The following MAP3K5 variants were observed in gnomAD, a reference collection of about 807,000 sequenced individuals.
MAP3K5 encodes the protein mitogen-activated protein kinase kinase kinase 5.
A neutral mutation model predicts 158.7 loss-of-function variants in MAP3K5; 56 were observed. That is an observed-to-expected ratio of 0.35 (90% confidence interval 0.28 to 0.44). The LOEUF (loss-of-function observed/expected upper bound fraction) is 0.44, where lower values mean the gene tolerates loss of function less well. Ranked by LOEUF, MAP3K5 falls within the 20% of genes least tolerant of loss-of-function variation. The pLI, the probability that MAP3K5 is intolerant of heterozygous loss-of-function variation, is 1.00. For missense variants in MAP3K5, 1,294 were observed against 1,674.8 expected, an observed-to-expected ratio of 0.77 and a Z score of 3.97; for synonymous variants, 579 against 601.7, an observed-to-expected ratio of 0.96 and a Z score of 0.55.
At chr6:136,766,182 G>A (rs1487278910) in intron 1 of MAP3K5, among the ~76,000 whole-genome samples, 1 of 152,156 alleles carries the variant, frequency 6.6e-6, no homozygotes, top group East Asian at 1.9e-4. Flanking sequence ...GGAGAAGTTG[G>A]AGACTGAGTG....
intron 2 of MAP3K5, among the ~76,000 whole-genome samples, chr6:136,717,747 C>T (rs1052925198): frequency 6.6e-6 from 1 of 152,122 alleles, no homozygotes; most frequent in Non-Finnish European, 1.5e-5. Flanking sequence ...TAGCATAGGA[C>T]CTGAGGAACT....
Position 136,697,237 on chromosome 6 carries a change from A to C in MAP3K5, c.957T>G (p.Leu319=), listed in dbSNP as rs779691688. The C allele has an allele frequency of 6.2e-7, 1 of 1,613,032 alleles. No individual in the cohort carries two copies. The highest frequency in any genetic ancestry group is 8.5e-7 in the Non-Finnish European group (1 of 1,179,464). ...TTCTCACCTGGATATCTCTGTAGGAAAGTAACAGATTTATGACAATATCTG... is the reference window on the plus strand; with the variant it reads ...TTCTCACCTGGATATCTCTGTAGGACAGTAACAGATTTATGACAATATCTG... ...LTADIVINLL[L]SYRDIQDYDS... is the part of the protein sequence containing the mutation. Residue 319 remains leucine (L), a synonymous_variant, in exon 5 of 30, where the codon CTT becomes CTG. Transcript: ENST00000359015.
chr6:136,603,129 T>C (rs1253716480), intron 19 of MAP3K5, among the ~76,000 whole-genome samples: 1 of 151,904 alleles, frequency 6.6e-6, no homozygotes, highest in Non-Finnish European at 1.5e-5. Flanking sequence ...AAGTGCTTGG[T>C]ACATTTTACC....
intron 1 of MAP3K5, among the ~76,000 whole-genome samples, chr6:136,785,794 T>G (rs1263896950): frequency 6.6e-6 from 1 of 152,152 alleles, no homozygotes; most frequent in Non-Finnish European, 1.5e-5. Flanking sequence ...CAGAGGTGGA[T>G]GAAAGCAAAA....
rs564068231 is a variant in MAP3K5, at chr6:136,648,291, T to C, written c.1788+2693A>G. ...GCACACAGTGGCAAATATTGGCATG[T>C]GTAATCTGGGGCCTGTTGGGTGAAG... is the stretch of plus-strand genomic sequence containing the variant. On this transcript the variant is annotated intron_variant, in intron 11 of 29. Coordinates refer to ENST00000359015, the MANE Select transcript of MAP3K5 (RefSeq NM_005923.4). Among the ~76,000 whole-genome samples the C allele has an allele frequency of 5.3e-5, 8 of 152,346 alleles. No individual in the cohort carries two copies. In the South Asian group the frequency reaches 1.7e-3, roughly 32 times the overall value.
chr6:136,594,236 T>C (rs1490913622), intron 21 of MAP3K5, among the ~76,000 whole-genome samples: 1 of 152,122 alleles, frequency 6.6e-6, no homozygotes, highest in African/African-American at 2.4e-5. Context: ...TCACGGACCA[T>C]ATTTTGGGCA....
intron 14 of MAP3K5, chr6:136,637,100 C>A: frequency 7.2e-7 from 1 of 1,389,438 alleles, no homozygotes; most frequent in Non-Finnish European, 9.3e-7. Context: ...TACTCGCTAT[C>A]AGGTAAGTAA....
At chr6:136,728,530 T>C (rs1411364750) in intron 1 of MAP3K5, among the ~76,000 whole-genome samples, 2 of 152,206 alleles carry the variant, frequency 1.3e-5, no homozygotes, top group African/African-American at 4.8e-5. Flanking sequence ...ATCCCTACTA[T>C]AAATGACTAC....
chr6:136,779,442 C>CAAAAAA (rs35110376), intron 1 of MAP3K5, among the ~76,000 whole-genome samples: 1 of 101,046 alleles, frequency 9.9e-6, no homozygotes, highest in Non-Finnish European at 1.9e-5. Context: ...CACCCTGTCT[C>CAAAAAA]AAAAAAAAAA....
rs918460207 is a variant in MAP3K5, at chr6:136,557,359, C to G, written c.*399G>C. 2 of 168,084 alleles carry G rather than the reference C, an allele frequency of 1.2e-5. No homozygotes were observed. Among genetic ancestry groups the G allele is most frequent in the African/African-American group, 4.8e-5 (2 of 41,662 alleles). The allele number at this position is 168,084 out of a possible 1,614,324, so 10.4% of individuals were successfully genotyped here. On this transcript the variant is annotated 3_prime_UTR_variant, in exon 30 of 30. Transcript: ENST00000359015. ...TATTACAAACACACAGAAGCCTAAACAGTTATGGTCACATTTTGGTTTTGT... is the reference window on the plus strand; with the variant it reads ...TATTACAAACACACAGAAGCCTAAAGAGTTATGGTCACATTTTGGTTTTGT...
chr6:136,670,033 C>G (rs2114529134), intron 7 of MAP3K5, among the ~76,000 whole-genome samples: 1 of 151,630 alleles, frequency 6.6e-6, no homozygotes, highest in East Asian at 1.9e-4. Context: ...ATGATCAATT[C>G]CATAAGAATG....
intron 14 of MAP3K5, among the ~76,000 whole-genome samples, chr6:136,624,449 G>A (rs964250986): frequency 9.9e-5 from 15 of 152,110 alleles, no homozygotes; most frequent in African/African-American, 3.4e-4. Context: ...ATGGCACAAT[G>A]AACAAGTTTG....
intron 23 of MAP3K5, 139 bp from the exon 24 acceptor site, chr6:136,583,879 T>TCTCGAACTC: frequency 2.8e-6 from 2 of 701,820 alleles, no homozygotes; most frequent in South Asian, 2.1e-5. Flanking sequence ...CCCAGGCTGG[T>TCTCGAACTC]CTCGAACTCC....
intron 2 of MAP3K5, among the ~76,000 whole-genome samples, chr6:136,714,379 T>G (rs1042286395): frequency 6.6e-6 from 1 of 152,160 alleles, no homozygotes; most frequent in African/African-American, 2.4e-5. Flanking sequence ...TGGATATGAA[T>G]GAGTGCCAGA....
intron 1 of MAP3K5, among the ~76,000 whole-genome samples, chr6:136,737,679 A>AT (rs1457893421): frequency 6.6e-6 from 1 of 152,198 alleles, no homozygotes; most frequent in Non-Finnish European, 1.5e-5. Context: ...CCACATGTTG[A>AT]TTTTAACACA....
intron 21 of MAP3K5, among the ~76,000 whole-genome samples, chr6:136,599,979 G>A (rs1258342371): frequency 6.6e-6 from 1 of 152,100 alleles, no homozygotes; most frequent in Non-Finnish European, 1.5e-5. Context: ...CAGAATGGAA[G>A]AAATGGAAGA....
At chr6:136,766,474 T>C (rs373781727) in intron 1 of MAP3K5, among the ~76,000 whole-genome samples, 1 of 152,244 alleles carries the variant, frequency 6.6e-6, no homozygotes, top group Non-Finnish European at 1.5e-5. Flanking sequence ...GTAGGTTATC[T>C]GAAGTTCTGA....
At chr6:136,592,826 G>T in intron 21 of MAP3K5, 1 of 615,674 alleles carries the variant, frequency 1.6e-6, no homozygotes, top group Non-Finnish European at 3.0e-6. Context: ...GGGCCTCCCA[G>T]GCCCTGGGAG....
At chr6:136,722,699 A>G (rs78928972) in intron 1 of MAP3K5, among the ~76,000 whole-genome samples, 2,713 of 130,082 alleles carry the variant, frequency 0.021, 95 homozygotes, top group African/African-American at 0.072. Context: ...TTTTTAAGGC[A>G]GACAGTTCTC....
Sources: gnomAD v4.1 joint callset for allele counts (sites outside exome capture counted in the v4.1 genomes callset) on GRCh38, gnomAD v4.1.1 for gene constraint, MANE v1.5 for transcripts, NCBI Gene and HGNC (gene_info 2026-07-23, HGNC 2026-07-21) for gene names.